Variants in KDM4B observed in about 807,000 individuals in gnomAD.
KDM4B encodes lysine demethylase 4B.
A neutral mutation model predicts 125.2 loss-of-function variants in KDM4B; 32 were observed. That is an observed-to-expected ratio of 0.26 (90% confidence interval 0.19 to 0.34). The LOEUF is 0.34. Among genes scored for constraint, KDM4B ranks in the 10% least tolerant of loss-of-function variants. The pLI is 1.00. For missense variants in KDM4B, 1,190 were observed against 1,577.7 expected (o/e 0.75, Z 4.16); for synonymous variants, 721 against 677.9 (o/e 1.06, Z -0.99).
At chr19:5,124,200 C>CCCGTTA (rs1259590068) in intron 11 of KDM4B, among the ~76,000 whole-genome samples, 16 of 151,430 alleles carry the variant, frequency 1.1e-4, no homozygotes, top group Non-Finnish European at 2.1e-4. Context: ...CCCAAGCCCA[C>CCCGTTA]CCGTTAACTG....
intron 21 of KDM4B, among the ~76,000 whole-genome samples, chr19:5,146,759 C>CT (rs1460905687): frequency 1.5e-5 from 1 of 66,820 alleles, no homozygotes; most frequent in Non-Finnish European, 3.3e-5. Flanking sequence ...AGACCCCCCC[C>CT]CCCCCCACAA....
chr19:4,976,249 C>CA (rs11327138), intron 1 of KDM4B, among the ~76,000 whole-genome samples: 196 of 85,410 alleles, frequency 2.3e-3, no homozygotes, highest in Admixed American at 3.6e-3. Context: ...AACTCAGTCT[C>CA]AAAAAAAAAA....
In KDM4B at chr19:5,144,126, C is replaced by T; in HGVS notation, c.2710C>T (p.Leu904Phe). The T allele has an allele frequency of 2.5e-6, 4 of 1,599,072 alleles. No homozygotes were observed. The highest frequency in any genetic ancestry group is 2.3e-5 in the East Asian group (1 of 44,400). ...GCCCTATGTGGTCTCCATCACCTGC[C>T]TCAAGCACAAGTCGGGGGGTCACGC... ...DWPYVVSITC[L>F]KHKSGGHAVQ... The change falls in exon 19 of 23, where the codon CTC (leucine) becomes TTC (phenylalanine). Residue 904 changes from leucine (L) to phenylalanine (F), a missense_variant. Around this residue, in one of 7 missense-constraint regions of KDM4B, gnomAD observed 298 missense variants for 439.7 expected, o/e 0.68. Transcript: ENST00000159111.
chr19:5,023,461 G>C (rs1007073696), intron 2 of KDM4B, among the ~76,000 whole-genome samples: 48 of 152,348 alleles, frequency 3.2e-4, no homozygotes, highest in Middle Eastern at 3.4e-3. Flanking sequence ...TTGGGAACCT[G>C]GCTGCATCGC....
intron 1 of KDM4B, among the ~76,000 whole-genome samples, chr19:4,989,316 T>A (rs2034954714): frequency 6.6e-6 from 1 of 152,164 alleles, no homozygotes. Context: ...TCTGTTTCTG[T>A]TTCTTTTTCT....
Position 5,133,240 on chromosome 19 carries a change from C to T in KDM4B, c.1907-643C>T, listed in dbSNP as rs967322645. 6.6e-5 allele frequency among the ~76,000 whole-genome samples: 10 copies of T among 152,262 alleles called. 2 individuals carry two copies. The highest frequency in any genetic ancestry group is 5.9e-4 in the Admixed American group (9 of 15,298). On this transcript the variant is annotated intron_variant, in intron 13 of 22. Transcript: ENST00000159111. ...AACAGGCAACAGGTGGGAGAGAGAC[C>T]GCCGCGGCTTCTCAGCAGCAGACCT...
Position 5,137,247 on chromosome 19 carries a change from C to A in KDM4B, c.2309-15C>A. ...CCTGCCCCCCAGATCTCAGCCAGCC[C>A]CCGCTGTCTTCCAGGTTGCTATGGC... On this transcript the variant is annotated splice_polypyrimidine_tract_variant and intron_variant, in intron 15 of 22. Transcript: ENST00000159111. The A allele has an allele frequency of 6.4e-7, 1 of 1,560,360 alleles. No individual in the cohort carries two copies. The highest frequency in any genetic ancestry group is 8.7e-7 in the Non-Finnish European group (1 of 1,151,912).
At chr19:5,066,558 C>T (rs750078092) in intron 6 of KDM4B, among the ~76,000 whole-genome samples, 2 of 152,348 alleles carry the variant, frequency 1.3e-5, no homozygotes, top group East Asian at 1.9e-4. Flanking sequence ...TAGCATTTGT[C>T]TCTCCCATTG....
Position 5,141,057 on chromosome 19 carries a change from G to A in KDM4B, c.2551-2910G>A, listed in dbSNP as rs1370607415. 6.6e-6 allele frequency: 1 copy of A among 152,292 alleles called. No homozygotes were observed. The highest frequency in any genetic ancestry group is 2.4e-5 in the African/African-American group (1 of 41,476). The allele number at this position is 152,292 out of a possible 1,614,324, so 9.4% of individuals were successfully genotyped here. On this transcript the variant is annotated intron_variant, in intron 18 of 22. Transcript: ENST00000159111. This position sits in a 1 kb window ranked among gnomAD's most constrained non-coding sequence, Gnocchi z 6.4. ...GGTCTGCTGGGGAGACCACAAGGGT[G>A]GGACTGATGCCGGCCACAAAGCCCG...
intron 10 of KDM4B, among the ~76,000 whole-genome samples, chr19:5,116,319 C>A (rs2039255695): frequency 6.7e-6 from 1 of 149,864 alleles, no homozygotes; most frequent in Admixed American, 6.6e-5. Flanking sequence ...ATGCCACAAG[C>A]TAAAAGACAA....
chr19:4,985,677 G>T (rs541657335), intron 1 of KDM4B, among the ~76,000 whole-genome samples: 1 of 152,244 alleles, frequency 6.6e-6, no homozygotes, highest in African/African-American at 2.4e-5. Context: ...GAGGCTTTGG[G>T]GGCCGAATGT....
At chr19:5,056,733 T>C (rs1346029603) in intron 6 of KDM4B, among the ~76,000 whole-genome samples, 3 of 152,120 alleles carry the variant, frequency 2.0e-5, no homozygotes, top group Non-Finnish European at 2.9e-5. Flanking sequence ...TTAACTGATT[T>C]GGGACCTTTA....
chr19:5,111,481 G>A (rs1437471910), intron 10 of KDM4B: 2 of 765,266 alleles, frequency 2.6e-6, no homozygotes, highest in Admixed American at 1.7e-5. Flanking sequence ...GACCACAAGA[G>A]GCCATGGGGA....
At chr19:4,970,090 T>A (rs2034200940) in intron 1 of KDM4B, among the ~76,000 whole-genome samples, 1 of 152,074 alleles carries the variant, frequency 6.6e-6, no homozygotes, top group African/African-American at 2.4e-5. Flanking sequence ...CTCTGAAATC[T>A]GCTTGACCTG....
At chr19:5,126,592 C>T (rs765639111) in intron 11 of KDM4B, among the ~76,000 whole-genome samples, 1 of 152,244 alleles carries the variant, frequency 6.6e-6, no homozygotes, top group Non-Finnish European at 1.5e-5. Context: ...GAGTGCTGCT[C>T]TCAGGAGAGG....
intron 6 of KDM4B, among the ~76,000 whole-genome samples, chr19:5,068,291 C>T (rs1046572200): frequency 6.6e-5 from 10 of 152,108 alleles, no homozygotes; most frequent in South Asian, 2.1e-4. Flanking sequence ...GGGTCTCTGC[C>T]GTGCATCTGC....
At chr19:5,031,203 C>T (rs942909701) in intron 2 of KDM4B, among the ~76,000 whole-genome samples, 5 of 152,128 alleles carry the variant, frequency 3.3e-5, no homozygotes, top group African/African-American at 7.2e-5. Context: ...TTGGCGGGGT[C>T]GCAGGTGAGG....
intron 13 of KDM4B, among the ~76,000 whole-genome samples, chr19:5,133,130 CCT>C (rs1004509719): frequency 7.9e-5 from 12 of 152,170 alleles, no homozygotes; most frequent in African/African-American, 2.9e-4. Flanking sequence ...GGACAGCACC[CCT>C]GTGTCCACAG....
chr19:5,137,707 G>T, intron 17 of KDM4B, 31 bp downstream of exon 17: 10 of 1,553,006 alleles, frequency 6.4e-6, no homozygotes, highest in Non-Finnish European at 6.9e-6. Context: ...GGGCTGGAGG[G>T]CCGGAGGGGA....
Sources: allele counts gnomAD v4.1 joint callset (sites outside exome capture counted in the v4.1 genomes callset), GRCh38; gene constraint gnomAD v4.1.1; regional missense constraint gnomAD v4.1.1; non-coding constraint Gnocchi (gnomAD v3.1); transcripts MANE v1.5; gene names NCBI Gene and HGNC (gene_info 2026-07-23, HGNC 2026-07-21).